RGL1: variants seen among roughly 807,000 people sequenced by gnomAD.
RGL1 encodes ral guanine nucleotide dissociation stimulator like 1.
A neutral mutation model predicts 95.2 loss-of-function variants in RGL1; 24 were observed. That is an observed-to-expected ratio of 0.25 (90% CI 0.18 to 0.35). RGL1 has a LOEUF of 0.35. Ranked by LOEUF, RGL1 falls within the 10% of genes least tolerant of loss-of-function variation. The pLI is 1.00. For missense variants in RGL1, 715 were observed against 936.3 expected, an observed-to-expected ratio of 0.76 and a Z score of 3.08; for synonymous variants, 329 against 344.9, an observed-to-expected ratio of 0.95 and a Z score of 0.51.
At chr1:183,799,288 C>A (rs1660864565) in intron 2 of RGL1, among the ~76,000 whole-genome samples, 1 of 152,154 alleles carries the variant, frequency 6.6e-6, no homozygotes, top group African/African-American at 2.4e-5. Flanking sequence ...GCGCAGGTAT[C>A]TCTTTGAGAT....
chr1:183,670,612 T>G (rs529161601), intron 1 of RGL1, among the ~76,000 whole-genome samples: 1 of 152,208 alleles, frequency 6.6e-6, no homozygotes, highest in Non-Finnish European at 1.5e-5. Flanking sequence ...TGGGAGTTTA[T>G]GTTCTGATAA....
At chr1:183,838,910 G>A (rs1270238961) in intron 2 of RGL1, among the ~76,000 whole-genome samples, 3 of 152,202 alleles carry the variant, frequency 2.0e-5, no homozygotes, top group African/African-American at 7.2e-5. Flanking sequence ...TGAGGAGTGT[G>A]CACATTTGGC....
At chr1:183,712,920 G>T (rs947493003) in intron 1 of RGL1, among the ~76,000 whole-genome samples, 5 of 152,234 alleles carry the variant, frequency 3.3e-5, no homozygotes, top group African/African-American at 1.2e-4. Context: ...AATCAACTGT[G>T]AGGAGGTGAT....
chr1:183,781,727 T>A (rs1659915039), intron 2 of RGL1, among the ~76,000 whole-genome samples: 1 of 152,216 alleles, frequency 6.6e-6, no homozygotes, highest in African/African-American at 2.4e-5. Flanking sequence ...TTTAATGATG[T>A]GTCTTAGAAA....
chr1:183,871,624 C>G (rs933358903), intron 4 of RGL1, among the ~76,000 whole-genome samples: 1 of 152,206 alleles, frequency 6.6e-6, no homozygotes, highest in Non-Finnish European at 1.5e-5. Flanking sequence ...CAAGTAAAAT[C>G]TTTCCTGTAT....
chr1:183,847,754 G>A lies in RGL1; in HGVS notation c.327G>A (p.Val109=), dbSNP rs777594034. ...GAGGCTTTGCCTCCACTAAAGAAGT[G>A]CTGGAACTACTGCTGGACAGGTAAG... ...TYRGFASTKE[V]LELLLDRYGN... The change falls in exon 3 of 18, where the codon GTG becomes GTA. Residue 109 remains valine (V), a synonymous_variant. Transcript: ENST00000360851. The A allele has an allele frequency of 8.1e-6, 13 of 1,613,988 alleles. No individual in the cohort carries two copies. The South Asian group carries it at 1.1e-4, about 14-fold the overall frequency.
intron 3 of RGL1, among the ~76,000 whole-genome samples, chr1:183,855,413 C>G (rs1323396593): frequency 1.3e-5 from 2 of 152,192 alleles, no homozygotes; most frequent in Admixed American, 1.3e-4. Flanking sequence ...TTCCAATTTG[C>G]TTTTTGTTAA....
At chr1:183,733,428 C>G (rs535092031) in intron 1 of RGL1, among the ~76,000 whole-genome samples, 4 of 152,208 alleles carry the variant, frequency 2.6e-5, no homozygotes, top group East Asian at 3.9e-4. Context: ...CTAGTGGTTT[C>G]CCCTTGGTTT....
Position 183,847,800 on chromosome 1 carries a change from T to C in RGL1, c.347+26T>C, listed in dbSNP as rs180757711. Reference sequence around the variant, plus strand: ...GTAAGAATGTAAAGGAGCTTTTGAGTTGAAAGAAATGTAGGCTGATTATGG... The same window carrying C: ...GTAAGAATGTAAAGGAGCTTTTGAGCTGAAAGAAATGTAGGCTGATTATGG... On this transcript the variant is annotated intron_variant, in intron 3 of 17. Coordinates refer to ENST00000360851, the MANE Select transcript of RGL1 (RefSeq NM_001297671.3). 896 of 1,581,408 alleles carry C rather than the reference T, an allele frequency of 5.7e-4. 8 individuals are homozygous for C. The African/African-American group carries it at 0.011, about 19-fold the overall frequency.
intron 3 of RGL1, among the ~76,000 whole-genome samples, chr1:183,851,688 T>C (rs1664834575): frequency 6.6e-6 from 1 of 152,234 alleles, no homozygotes; most frequent in Non-Finnish European, 1.5e-5. Flanking sequence ...ATATCATTTA[T>C]TTAGATTATT....
chr1:183,688,040 C>G (rs936777434), intron 1 of RGL1, among the ~76,000 whole-genome samples: 17 of 152,104 alleles, frequency 1.1e-4, no homozygotes, highest in Non-Finnish European at 1.9e-4. Context: ...TGTCTTGCTT[C>G]TGAAATCTAG....
chr1:183,649,643 A>G (rs1316238064), intron 1 of RGL1, among the ~76,000 whole-genome samples: 1 of 152,216 alleles, frequency 6.6e-6, no homozygotes, highest in Non-Finnish European at 1.5e-5. Flanking sequence ...GTCTTGTTAG[A>G]AGACTTTTGA....
At chr1:183,696,519 T>A (rs1210171848) in intron 1 of RGL1, among the ~76,000 whole-genome samples, 1 of 152,186 alleles carries the variant, frequency 6.6e-6, no homozygotes, top group East Asian at 1.9e-4. Flanking sequence ...GTTGCCAGCC[T>A]CAATCCACAA....
intron 1 of RGL1, among the ~76,000 whole-genome samples, chr1:183,727,312 A>T (rs1032641231): frequency 6.6e-6 from 1 of 152,174 alleles, no homozygotes; most frequent in Non-Finnish European, 1.5e-5. Flanking sequence ...CATCCATTAC[A>T]TATTATCATA....
chr1:183,809,450 G>A (rs1378936736), intron 2 of RGL1, among the ~76,000 whole-genome samples: 2 of 152,128 alleles, frequency 1.3e-5, no homozygotes, highest in African/African-American at 4.8e-5. Context: ...TTACTTGTAC[G>A]TGCAGCTGCA....
chr1:183,804,383 C>T (rs962269955), upstream of RGL1, among the ~76,000 whole-genome samples: 12 of 152,144 alleles, frequency 7.9e-5, no homozygotes, highest in African/African-American at 2.7e-4. Flanking sequence ...TCTTTTATCC[C>T]TATAGCAGAT....
At chr1:183,731,816 C>T (rs1246085680) in intron 1 of RGL1, among the ~76,000 whole-genome samples, 1 of 152,130 alleles carries the variant, frequency 6.6e-6, no homozygotes, top group Admixed American at 6.6e-5. Context: ...TCTTCTAACA[C>T]CTATCCTGTC....
intron 15 of RGL1, among the ~76,000 whole-genome samples, chr1:183,915,051 A>G (rs557867599): frequency 2.8e-4 from 42 of 152,346 alleles, no homozygotes; most frequent in African/African-American, 9.6e-4. Context: ...TAGAGCCACA[A>G]TCAGACCCCT....
chr1:183,856,623 AAT>A (rs569959841), intron 3 of RGL1, among the ~76,000 whole-genome samples: 1 of 148,786 alleles, frequency 6.7e-6, no homozygotes. Context: ...TCTCCCTGTA[AAT>A]ATATATATAT....
Sources: allele counts gnomAD v4.1 joint callset (sites outside exome capture counted in the v4.1 genomes callset), GRCh38; gene constraint gnomAD v4.1.1; transcripts MANE v1.5; gene names NCBI Gene and HGNC (gene_info 2026-07-23, HGNC 2026-07-21).